AEBP2: variants seen among roughly 807,000 people sequenced by gnomAD.
AEBP2 encodes the protein zinc finger protein AEBP2.
In AEBP2, 10 loss-of-function variants were observed where a neutral mutation model predicts 50.8. The observed-to-expected ratio is 0.20, with a 90% CI of 0.12 to 0.33. The LOEUF is 0.33. AEBP2 is among the 10% of genes least tolerant of loss of function. AEBP2 has a pLI of 1.00. For synonymous variants in AEBP2, 296 were observed against 261.3 expected (o/e 1.13, Z -1.28); for missense variants, 570 against 688.0 (o/e 0.83, Z 1.92).
At chr12:19,461,584 A>T (rs377149788) in intron 1 of AEBP2, among the ~76,000 whole-genome samples, 1 of 152,012 alleles carries the variant, frequency 6.6e-6, no homozygotes, top group East Asian at 1.9e-4. Context: ...ATCTCGGCTC[A>T]CTCCAACCTC....
chr12:19,481,251 C>T (rs1367555240), intron 3 of AEBP2, among the ~76,000 whole-genome samples: 1 of 151,594 alleles, frequency 6.6e-6, no homozygotes, highest in African/African-American at 2.4e-5. Context: ...CAGGTGCCCA[C>T]CACCACACCC....
chr12:19,434,466 C>G (rs1218956302), intron 1 of AEBP2, among the ~76,000 whole-genome samples: 2 of 152,056 alleles, frequency 1.3e-5, no homozygotes, highest in African/African-American at 2.4e-5. Context: ...AGCCACTGTG[C>G]CTGGCCCTTA....
chr12:19,492,605 T>A lies in AEBP2; in HGVS notation c.988-1195T>A, dbSNP rs561778276. Among the ~76,000 whole-genome samples the A allele has an allele frequency of 2.7e-3, 407 of 151,844 alleles. 2 individuals carry two copies. Among genetic ancestry groups the A allele is most frequent in the African/African-American group, 9.0e-3 (372 of 41,532 alleles). On this transcript the variant is annotated intron_variant, in intron 3 of 7. Coordinates refer to ENST00000266508, the MANE Select transcript of AEBP2 (RefSeq NM_153207.5). ...AAAAAACAAAATAAAATAAAAAAAA[T>A]TTATTTATTTTTAAAATATTAAATG...
At chr12:19,457,526 T>G (rs1266761895) in intron 1 of AEBP2, 2 of 1,485,072 alleles carry the variant, frequency 1.3e-6, no homozygotes, top group Non-Finnish European at 1.8e-6. Flanking sequence ...CCTTCTCAAT[T>G]TTTTCAATGG....
intron 5 of AEBP2, among the ~76,000 whole-genome samples, chr12:19,505,929 C>T (rs561442477): frequency 1.3e-5 from 2 of 151,790 alleles, no homozygotes; most frequent in African/African-American, 4.8e-5. Context: ...GAGCACACCA[C>T]GATGCCTGGC....
chr12:19,477,014 G>A (rs1278028191), intron 3 of AEBP2, among the ~76,000 whole-genome samples: 4 of 152,164 alleles, frequency 2.6e-5, no homozygotes, highest in Admixed American at 1.3e-4. Context: ...AGTTTTCCTT[G>A]TAGAGGTCTT....
At chr12:19,423,064 CAAAAAAAAAAAAAAAAAAA>C (rs751550689) in intron 1 of AEBP2, among the ~76,000 whole-genome samples, 2 of 35,034 alleles carry the variant, frequency 5.7e-5, no homozygotes, top group African/African-American at 3.1e-4. Context: ...GACTCTGTCT[CAAAAAAAAAAAAAAAAAAA>C]AAAAAAAAAA....
intron 1 of AEBP2, among the ~76,000 whole-genome samples, chr12:19,448,726 C>T (rs1424215957): frequency 6.6e-6 from 1 of 152,126 alleles, no homozygotes; most frequent in Non-Finnish European, 1.5e-5. Context: ...GTCACTCAGG[C>T]TGGAGTGCAG....
chr12:19,518,352 G>T lies in AEBP2; in HGVS notation c.*235G>T, dbSNP rs1485137540. On this transcript the variant is annotated 3_prime_UTR_variant, in exon 8 of 8. Transcript: ENST00000266508. The stretch of plus-strand genomic sequence containing the variant: ...TGTATATCCACATTTTCATGGAATG[G>T]TACTGTGGGAGACTGAGCAAACACT... 4.8e-6 allele frequency: 6 copies of T among 1,244,238 alleles called. No individual in the cohort carries two copies. The highest frequency in any genetic ancestry group is 6.0e-6 in the Non-Finnish European group (6 of 993,824). 77.1% of individuals were successfully genotyped at this position (1,244,238 alleles called of 1,614,324 possible).
At position 19,439,540 on chromosome 12, in the gene AEBP2, C is replaced by A. The variant is rs1181296711; in HGVS notation, c.-160C>A. 2 of 962,010 alleles carry A rather than the reference C, an allele frequency of 2.1e-6. No individual in the cohort carries two copies. Among genetic ancestry groups the A allele is most frequent in the South Asian group, 3.6e-5 (2 of 55,936 alleles). 59.6% of individuals were successfully genotyped at this position (962,010 alleles called of 1,614,324 possible). A position where few individuals can be genotyped will look rare whatever the true frequency, so the allele number is the denominator to read the frequency against. On this transcript the variant is annotated 5_prime_UTR_variant, in exon 1 of 8. Coordinates refer to ENST00000266508, the MANE Select transcript of AEBP2 (RefSeq NM_153207.5). ...TCGCGCGCCTGTCCCCGCGCGGGCT[C>A]CGTAGCGCGTGTGCAGGCTGACGCA...
chr12:19,450,871 A>G (rs1039521304), intron 1 of AEBP2, among the ~76,000 whole-genome samples: 1 of 144,646 alleles, frequency 6.9e-6, no homozygotes, highest in Non-Finnish European at 1.5e-5. Context: ...TTTTTTTTTT[A>G]GTTGCACTAA....
At chr12:19,404,797 T>C (rs570828547) in intron 1 of AEBP2, among the ~76,000 whole-genome samples, 2 of 152,194 alleles carry the variant, frequency 1.3e-5, no homozygotes, top group African/African-American at 4.8e-5. Context: ...TTCTCCCTTA[T>C]CTGAGGTCTA....
rs144529550 is a variant in AEBP2 at position 19,494,662 on chromosome 12, G to T, written c.1174+676G>T. Among the ~76,000 whole-genome samples the T allele has an allele frequency of 7.2e-3, 1,090 of 152,082 alleles. 4 individuals are homozygous for T. The highest frequency in any genetic ancestry group is 0.011 in the Non-Finnish European group (753 of 67,986). On this transcript the variant is annotated intron_variant, in intron 4 of 7. Transcript: ENST00000266508. ...CCCAAAATGCTGGGATTACAGGTGTGAGCCACCACACCCAGCCGATAGCAA... is the reference window on the plus strand; with the variant it reads ...CCCAAAATGCTGGGATTACAGGTGTTAGCCACCACACCCAGCCGATAGCAA...
chr12:19,495,460 A>G (rs910422307), intron 4 of AEBP2, among the ~76,000 whole-genome samples: 9 of 152,162 alleles, frequency 5.9e-5, no homozygotes, highest in African/African-American at 2.2e-4. Context: ...AACAAACCAG[A>G]AAACTTTATA....
At chr12:19,420,281 G>GTCTCA in intron 1 of AEBP2, among the ~76,000 whole-genome samples, 1 of 149,558 alleles carries the variant, frequency 6.7e-6, no homozygotes, top group Non-Finnish European at 1.5e-5. Flanking sequence ...CACCCACCTT[G>GTCTCA]GCCTCCCAAA....
At chr12:19,474,984 G>A (rs1280483009) in intron 3 of AEBP2, among the ~76,000 whole-genome samples, 2 of 152,074 alleles carry the variant, frequency 1.3e-5, no homozygotes, top group African/African-American at 4.8e-5. Context: ...GTAGAGATGG[G>A]GTTTCACCAT....
intron 3 of AEBP2, among the ~76,000 whole-genome samples, chr12:19,475,770 TAA>T (rs1338894406): frequency 2.0e-5 from 3 of 152,206 alleles, no homozygotes; most frequent in Non-Finnish European, 4.4e-5. Flanking sequence ...TTTTGCCTTT[TAA>T]ATTATGGCCA....
chr12:19,481,366 G>A (rs558392496), intron 3 of AEBP2, among the ~76,000 whole-genome samples: 138 of 152,194 alleles, frequency 9.1e-4, no homozygotes, highest in African/African-American at 3.2e-3. Flanking sequence ...GCCTCCCAGA[G>A]TGCTGGGATT....
chr12:19,510,113 AC>A (rs1323530238), intron 5 of AEBP2, among the ~76,000 whole-genome samples: 2 of 151,986 alleles, frequency 1.3e-5, no homozygotes, highest in Non-Finnish European at 2.9e-5. Context: ...GTGTGTGTAA[AC>A]CCAATGTTAA....
Sources: gnomAD v4.1 joint callset for allele counts (sites outside exome capture counted in the v4.1 genomes callset) on GRCh38, gnomAD v4.1.1 for gene constraint, MANE v1.5 for transcripts, NCBI Gene and HGNC (gene_info 2026-07-23, HGNC 2026-07-21) for gene names.